Variants in TMEM267 observed in about 807,000 individuals in gnomAD.
TMEM267 encodes the protein transmembrane protein 267.
Under a neutral mutation model 19.3 loss-of-function variants are expected in TMEM267, and 20 were observed. The ratio of observed to expected loss-of-function variants is 1.04; its 90% confidence interval spans 0.73 to 1.51. The LOEUF (loss-of-function observed/expected upper bound fraction) is 1.51, where lower values mean the gene tolerates loss of function less well. Ranked by LOEUF, TMEM267 falls within the 40% of genes most tolerant of loss-of-function variation. The probability of loss-of-function intolerance (pLI) is 0.00; values close to 1 mark genes in which losing one functional copy is unlikely to be tolerated. For missense variants in TMEM267, 242 were observed against 261.9 expected (o/e 0.92, Z 0.52); for synonymous variants, 88 against 90.3 (o/e 0.97, Z 0.15).
At chr5:43,467,409 A>G (rs1743805588) in intron 1 of TMEM267, among the ~76,000 whole-genome samples, 1 of 152,174 alleles carries the variant, frequency 6.6e-6, no homozygotes, top group Non-Finnish European at 1.5e-5. Flanking sequence ...TTCCATGTTA[A>G]TGGAAGCCAA....
At chr5:43,475,027 G>A (rs1744327079) in intron 1 of TMEM267, among the ~76,000 whole-genome samples, 1 of 152,160 alleles carries the variant, frequency 6.6e-6, no homozygotes, top group African/African-American at 2.4e-5. Flanking sequence ...CCATTCCTGG[G>A]TATATACCCA....
chr5:43,479,500 AT>A (rs10717315), intron 1 of TMEM267, among the ~76,000 whole-genome samples: 73,332 of 151,562 alleles, frequency 0.48, 18,721 homozygotes, highest in Middle Eastern at 0.63. Flanking sequence ...TAAAAAGGTA[AT>A]AAAAAAGGTA....
chr5:43,465,776 G>C (rs1743621676), intron 1 of TMEM267, among the ~76,000 whole-genome samples: 1 of 152,098 alleles, frequency 6.6e-6, no homozygotes, highest in Non-Finnish European at 1.5e-5. Flanking sequence ...GACACAGGAA[G>C]GGGAACATCA....
intron 1 of TMEM267, among the ~76,000 whole-genome samples, chr5:43,464,419 T>C (rs759495844): frequency 2.8e-4 from 42 of 152,274 alleles, no homozygotes; most frequent in Non-Finnish European, 2.9e-4. Flanking sequence ...CCTATCAAGT[T>C]ACCAATGACT....
chr5:43,470,448 T>C (rs986774627), intron 1 of TMEM267, among the ~76,000 whole-genome samples: 1 of 152,174 alleles, frequency 6.6e-6, no homozygotes, highest in East Asian at 1.9e-4. Context: ...GGCCCCAACA[T>C]ACATCTTACA....
At chr5:43,462,108 G>A (rs10038608) in intron 1 of TMEM267, among the ~76,000 whole-genome samples, 92,995 of 152,088 alleles carry the variant, frequency 0.61, 31,118 homozygotes, top group African/African-American at 0.89. Flanking sequence ...ACTGTTTGAG[G>A]GAAAGTAAAG....
chr5:43,448,851 ATT>A (rs1402686485), intron 2 of TMEM267, among the ~76,000 whole-genome samples: 1 of 151,772 alleles, frequency 6.6e-6, no homozygotes, highest in African/African-American at 2.4e-5. Context: ...ACAAAAAAAA[ATT>A]TTTTTTAAAC....
At chr5:43,461,981 T>C (rs1743296421) in intron 1 of TMEM267, among the ~76,000 whole-genome samples, 1 of 152,152 alleles carries the variant, frequency 6.6e-6, no homozygotes, top group Non-Finnish European at 1.5e-5. Flanking sequence ...AGGCATTGTG[T>C]GAGACCAAGT....
intron 1 of TMEM267, among the ~76,000 whole-genome samples, chr5:43,480,797 CTTTTT>C (rs869260304): frequency 3.8e-5 from 3 of 79,562 alleles, no homozygotes; most frequent in South Asian, 4.1e-4. Flanking sequence ...AATAATCTTA[CTTTTT>C]TTTTTTTTTT....
chr5:43,483,983 G>C (rs1230460799), upstream of TMEM267: 1 of 152,252 alleles, frequency 6.6e-6, no homozygotes, highest in African/African-American at 2.4e-5. Context: ...AGGAAGCGAC[G>C]CATGAGTTGT....
In TMEM267 at chr5:43,453,727, A is replaced by G; in HGVS notation, c.243T>C (p.Ile81=). ...IKKKTDFGEI[I]LAGFLASVID... is the part of the protein sequence containing the mutation. ...TAACAGAGGCTAAAAATCCAGCTAA[A>G]ATGATTTCTCCAAAGTCAGTCTTCT... Residue 81 remains isoleucine (I), a synonymous_variant, in exon 2 of 3, where the codon ATT becomes ATC. Coordinates refer to ENST00000397080, the MANE Select transcript of TMEM267 (RefSeq NM_022483.5). The G allele has an allele frequency of 6.2e-7, 1 of 1,614,080 alleles. No individual in the cohort carries two copies. Among genetic ancestry groups the G allele is most frequent in the Non-Finnish European group, 8.5e-7 (1 of 1,179,956 alleles).
chr5:43,455,260 C>A (rs1049748356), intron 1 of TMEM267, among the ~76,000 whole-genome samples: 3 of 151,700 alleles, frequency 2.0e-5, no homozygotes, highest in Non-Finnish European at 2.9e-5. Flanking sequence ...ACTGTCTCTA[C>A]AAATAATAAA....
At chr5:43,473,722 G>C (rs1351832319) in intron 1 of TMEM267, among the ~76,000 whole-genome samples, 1 of 152,120 alleles carries the variant, frequency 6.6e-6, no homozygotes, top group East Asian at 1.9e-4. Context: ...TCCTCATCAA[G>C]CTACCATTGA....
intron 1 of TMEM267, among the ~76,000 whole-genome samples, chr5:43,464,052 A>G (rs1412374128): frequency 2.6e-5 from 4 of 152,156 alleles, no homozygotes; most frequent in Admixed American, 6.5e-5. Context: ...ATATCTAGAA[A>G]ACCCCATTGT....
intron 1 of TMEM267, among the ~76,000 whole-genome samples, chr5:43,464,130 C>A (rs1371828337): frequency 1.3e-5 from 2 of 151,926 alleles, no homozygotes; most frequent in South Asian, 2.1e-4. Flanking sequence ...AATCAATGTA[C>A]AAAAATCACA....
intron 1 of TMEM267, among the ~76,000 whole-genome samples, chr5:43,469,731 G>A (rs982906472): frequency 5.3e-5 from 8 of 152,154 alleles, no homozygotes; most frequent in Non-Finnish European, 1.2e-4. Context: ...AACTATGTCA[G>A]GTAAACCTGC....
chr5:43,472,483 C>T (rs992522379), intron 1 of TMEM267, among the ~76,000 whole-genome samples: 1 of 152,142 alleles, frequency 6.6e-6, no homozygotes, highest in South Asian at 2.1e-4. Context: ...AAAGAGATAT[C>T]TACACTCCTA....
intron 1 of TMEM267, among the ~76,000 whole-genome samples, chr5:43,472,090 T>C (rs543551192): frequency 7.9e-5 from 12 of 152,042 alleles, no homozygotes; most frequent in African/African-American, 2.7e-4. Context: ...AACTGCTCTA[T>C]AGGAAAAAAA....
chr5:43,459,302 GA>G (rs950864033), intron 1 of TMEM267, among the ~76,000 whole-genome samples: 5 of 151,330 alleles, frequency 3.3e-5, no homozygotes, highest in South Asian at 4.2e-4. Context: ...AGACAGAAAA[GA>G]AAAAAAAGAA....
Sources: allele counts gnomAD v4.1 joint callset (sites outside exome capture counted in the v4.1 genomes callset), GRCh38; gene constraint gnomAD v4.1.1; transcripts MANE v1.5; gene names NCBI Gene and HGNC (gene_info 2026-07-23, HGNC 2026-07-21).